The following ZNF320 variants were observed in gnomAD, a reference collection of about 807,000 sequenced individuals.
The protein encoded by ZNF320 is zinc finger gene 320.
In ZNF320, 2 loss-of-function variants were observed where a neutral mutation model predicts 6.8. That is an observed-to-expected ratio of 0.29 (90% CI 0.12 to 0.93). The LOEUF is 0.93. Ranked by LOEUF, ZNF320 falls within the 40% of genes least tolerant of loss-of-function variation. ZNF320 has a pLI of 0.55. For missense variants in ZNF320, 472 were observed against 611.0 expected (o/e 0.77, Z 2.40); for synonymous variants, 208 against 203.2 (o/e 1.02, Z -0.20).
exon 6 of ZNF320, chr19:52,863,982 C>A (rs772077089): frequency 6.8e-6 from 3 of 441,736 alleles, no homozygotes; most frequent in Non-Finnish European, 8.6e-6. Flanking sequence ...CCAGGAAAAG[C>A]CAAGATACAC....
At chr19:52,888,037 C>T in intron 5 of ZNF320, 90 bp downstream of exon 5, 1 of 1,579,124 alleles carries the variant, frequency 6.3e-7, no homozygotes, top group African/African-American at 1.4e-5. Context: ...CCATTTTAGT[C>T]AAGCAAGGAT....
In ZNF320 at chr19:52,880,149, C is replaced by T. The variant is rs989649843; in HGVS notation, c.*447G>A. The T allele has an allele frequency of 6.5e-6, 1 of 152,734 alleles. No homozygotes were observed. Among genetic ancestry groups the T allele is most frequent in the African/African-American group, 2.4e-5 (1 of 41,426 alleles). The allele number at this position is 152,734 out of a possible 1,614,324, so 9.5% of individuals were successfully genotyped here. A position where few individuals can be genotyped will look rare whatever the true frequency, so the allele number is the denominator to read the frequency against. On this transcript the variant is annotated 3_prime_UTR_variant, in exon 6 of 6. Transcript: ENST00000682928. ...GGATTTTAAGGACAGAAGATCGAGA[C>T]CATCCTAGCTAACACGGTGAAACCC...
chr19:52,871,309 T>C (rs8111139), downstream of ZNF320, among the ~76,000 whole-genome samples: 108,235 of 151,888 alleles, frequency 0.71, 39,289 homozygotes, highest in African/African-American at 0.75. Context: ...CACAGAGCGA[T>C]ATTTTCTCCC....
In ZNF320 at chr19:52,880,613, G is replaced by A. The variant is rs1432015989; in HGVS notation, c.1513C>T (p.Pro505Ser). 10 of 1,602,140 alleles carry A rather than the reference G, an allele frequency of 6.2e-6. No homozygotes were observed. In the South Asian group the frequency reaches 1.1e-4, roughly 18 times the overall value. ...NCFKCNEYSK[P>S]SSIN ...CTCTGATGTCAATTAATGCTTGATG[G>A]TTTGCTATACTCATTGCACTTGAAA... The change falls in exon 6 of 6, where the codon CCA becomes TCA. Residue 505 changes from proline to serine, a missense_variant. This residue lies in a region of ZNF320 where 462 missense variants were observed against 559.7 expected (regional missense o/e 0.83). Coordinates refer to ENST00000682928, the MANE Select transcript of ZNF320 (RefSeq NM_001351774.2).
At chr19:52,884,376 G>A (rs1454183952) in intron 5 of ZNF320, among the ~76,000 whole-genome samples, 1 of 152,146 alleles carries the variant, frequency 6.6e-6, no homozygotes, top group Non-Finnish European at 1.5e-5. Flanking sequence ...GGAGTGCAGT[G>A]GCGTGATCTC....
At chr19:52,865,472 AC>A (rs372142085) in intron 5 of ZNF320, 434 of 39,314 alleles carry the variant, frequency 0.011, 23 homozygotes, top group African/African-American at 0.037. Flanking sequence ...TATATATATT[AC>A]ATATATATAT....
At chr19:52,887,453 G>A (rs1310715595) in intron 5 of ZNF320, among the ~76,000 whole-genome samples, 1 of 152,180 alleles carries the variant, frequency 6.6e-6, no homozygotes, top group Non-Finnish European at 1.5e-5. Context: ...TTCCTCCACT[G>A]ACTGCCTCAT....
Position 52,876,644 on chromosome 19 carries a change from C to A in ZNF320, c.*3952G>T, listed in dbSNP as rs2063774325. The A allele has an allele frequency of 6.6e-6, 1 of 152,112 alleles. No homozygotes were observed. The highest frequency in any genetic ancestry group is 6.6e-5 in the Admixed American group (1 of 15,266). The allele number at this position is 152,112 out of a possible 1,614,324, so 9.4% of individuals were successfully genotyped here. The stretch of plus-strand genomic sequence containing the variant: ...TCCTGAATAGCTGGGATTACAGGCA[C>A]TCGCCACCACACCAGGCTAATTTCT... On this transcript the variant is annotated 3_prime_UTR_variant, in exon 6 of 6. Coordinates refer to ENST00000682928, the MANE Select transcript of ZNF320 (RefSeq NM_001351774.2).
Position 52,878,877 on chromosome 19 carries a change from G to A in ZNF320, c.*1719C>T, listed in dbSNP as rs1314768597. ...TTTATGTATTTTTTGTAGAGAAGGT[G>A]GTTTCACCATTCTGCCCAGGCTGGT... On this transcript the variant is annotated 3_prime_UTR_variant, in exon 6 of 6. Coordinates refer to ENST00000682928, the MANE Select transcript of ZNF320 (RefSeq NM_001351774.2). 1 of 152,178 alleles carries A rather than the reference G, an allele frequency of 6.6e-6. No individual in the cohort carries two copies. The highest frequency in any genetic ancestry group is 1.5e-5 in the Non-Finnish European group (1 of 68,062). The allele number at this position is 152,178 out of a possible 1,614,324, so 9.4% of individuals were successfully genotyped here. A position where few individuals can be genotyped will look rare whatever the true frequency, so the allele number is the denominator to read the frequency against.
rs1379663658 is a variant in ZNF320 at position 52,865,670 on chromosome 19, T to TTTA, written c.224-1512_224-1511insTAA. On this transcript the variant is annotated intron_variant, in intron 5 of 5. Coordinates refer to the ZNF320 transcript ENST00000673631. ...ATTTATATATGATTATACATATATATTATATGATTATACATATATATTATA... is the reference window on the plus strand; with the variant it reads ...ATTTATATATGATTATACATATATATTTATATATGATTATACATATATATTATA... Among the ~76,000 whole-genome samples, 48 of 118,748 alleles carry TTTA rather than the reference T, an allele frequency of 4.0e-4. 2 individuals carry two copies. The highest frequency in any genetic ancestry group is 1.2e-3 in the African/African-American group (35 of 29,166). 77.9% of individuals were successfully genotyped at this position (118,748 alleles called of 152,430 possible).
exon 6 of ZNF320, chr19:52,862,216 G>A (rs1342662478): frequency 1.1e-5 from 6 of 523,096 alleles, no homozygotes; most frequent in African/African-American, 3.9e-5. Context: ...GATGGATGGT[G>A]AGTAAGTGGT....
intron 5 of ZNF320, among the ~76,000 whole-genome samples, chr19:52,883,192 C>A (rs990509770): frequency 2.6e-5 from 4 of 151,960 alleles, no homozygotes; most frequent in Non-Finnish European, 4.4e-5. Context: ...CAGGCGCACA[C>A]CACTATGCCC....
At chr19:52,864,679 A>G (rs1271191803) in intron 5 of ZNF320, among the ~76,000 whole-genome samples, 1 of 152,152 alleles carries the variant, frequency 6.6e-6, no homozygotes, top group East Asian at 1.9e-4. Context: ...TCAGTGCACT[A>G]TAGCTGGAGC....
At chr19:52,865,484 A>AC (rs1568692792) in intron 5 of ZNF320, 12 of 128,606 alleles carry the variant, frequency 9.3e-5, no homozygotes, top group African/African-American at 2.9e-4. Context: ...ATATATATAT[A>AC]ATACATATAT....
At chr19:52,861,878 T>C (rs1034145366) in exon 6 of ZNF320, 1 of 383,782 alleles carries the variant, frequency 2.6e-6, no homozygotes, top group Non-Finnish European at 5.2e-6. Flanking sequence ...TGATGCCTAA[T>C]GACTTGTGAA....
intron 5 of ZNF320, among the ~76,000 whole-genome samples, chr19:52,885,454 T>C (rs1332737927): frequency 1.3e-5 from 2 of 151,748 alleles, no homozygotes; most frequent in African/African-American, 2.4e-5. Context: ...TGGTGGCTCA[T>C]GCCTGTAATC....
Position 52,878,876 on chromosome 19 carries a change from T to G in ZNF320, c.*1720A>C, listed in dbSNP as rs988232787. On this transcript the variant is annotated 3_prime_UTR_variant, in exon 6 of 6. Transcript: ENST00000682928. ...ATTTATGTATTTTTTGTAGAGAAGG[T>G]GGTTTCACCATTCTGCCCAGGCTGG... 5 of 152,160 alleles carry G rather than the reference T, an allele frequency of 3.3e-5. No individual in the cohort carries two copies. Among genetic ancestry groups the G allele is most frequent in the African/African-American group, 4.8e-5 (2 of 41,422 alleles). 9.4% of individuals were successfully genotyped at this position (152,160 alleles called of 1,614,324 possible).
At chr19:52,866,685 A>G (rs1298972949) in intron 5 of ZNF320, among the ~76,000 whole-genome samples, 3 of 152,062 alleles carry the variant, frequency 2.0e-5, no homozygotes, top group Non-Finnish European at 4.4e-5. Flanking sequence ...AGCCTGGCCA[A>G]TATGGAGAAA....
intron 1 of ZNF320, among the ~76,000 whole-genome samples, chr19:52,894,578 A>G (rs1489553108): frequency 6.6e-6 from 1 of 152,176 alleles, no homozygotes; most frequent in African/African-American, 2.4e-5. Flanking sequence ...ATAGGTGTTT[A>G]AAACACTGAA....
Sources: allele counts gnomAD v4.1 joint callset (sites outside exome capture counted in the v4.1 genomes callset), GRCh38; gene constraint gnomAD v4.1.1; regional missense constraint gnomAD v4.1.1; transcripts MANE v1.5; gene names NCBI Gene and HGNC (gene_info 2026-07-23, HGNC 2026-07-21).